Variants in GALNT13 observed in about 807,000 individuals in gnomAD.
GALNT13 encodes UDP-GalNAc:polypeptide N-acetylgalactosaminyltransferase 13.
Under a neutral mutation model 64.2 loss-of-function variants are expected in GALNT13, and 28 were observed. That is an observed-to-expected ratio of 0.44 (90% CI 0.32 to 0.60). The LOEUF (loss-of-function observed/expected upper bound fraction) is 0.60, where lower values mean the gene tolerates loss of function less well. Ranked by LOEUF, GALNT13 falls within the 20% of genes least tolerant of loss-of-function variation. The pLI is 0.05. For missense variants in GALNT13, 577 were observed against 669.8 expected (o/e 0.86, Z 1.53); for synonymous variants, 214 against 224.6 (o/e 0.95, Z 0.42).
chr2:154,094,145 G>A (rs944486562), intron 3 of GALNT13, among the ~76,000 whole-genome samples: 3 of 151,914 alleles, frequency 2.0e-5, no homozygotes, highest in African/African-American at 7.2e-5. Flanking sequence ...GATTTCTTAT[G>A]TTTAATACTC....
the GALNT13 span, among the ~76,000 whole-genome samples, chr2:153,561,682 C>A: frequency 7.5e-6 from 1 of 133,344 alleles, no homozygotes; most frequent in African/African-American, 3.1e-5. Context: ...GTGTATTAAT[C>A]ACCACTTAGG....
intron 9 of GALNT13, among the ~76,000 whole-genome samples, chr2:154,306,606 A>G (rs1388701626): frequency 1.2e-5 from 1 of 82,326 alleles, no homozygotes; most frequent in Non-Finnish European, 2.6e-5. Flanking sequence ...AAGGTTTTTA[A>G]GGATAATTTG....
At chr2:153,268,371 C>G in the GALNT13 span, among the ~76,000 whole-genome samples, 2 of 152,202 alleles carry the variant, frequency 1.3e-5, no homozygotes, top group African/African-American at 4.8e-5. Context: ...GACTCCATGT[C>G]TCACATCCAG....
the GALNT13 span, among the ~76,000 whole-genome samples, chr2:153,243,396 C>T: frequency 6.6e-6 from 1 of 151,608 alleles, no homozygotes; most frequent in African/African-American, 2.4e-5. Flanking sequence ...TTGCCCCTAG[C>T]TATGCTGAAA....
the GALNT13 span, among the ~76,000 whole-genome samples, chr2:153,264,433 C>T: frequency 6.6e-6 from 1 of 152,184 alleles, no homozygotes. Context: ...AATCCCATTA[C>T]TGGGTATATA....
chr2:153,625,155 A>C, the GALNT13 span, among the ~76,000 whole-genome samples: 1 of 152,078 alleles, frequency 6.6e-6, no homozygotes, highest in African/African-American at 2.4e-5. Flanking sequence ...CAAGGTAAAT[A>C]CTAAACATGA....
At chr2:153,075,575 T>C in the GALNT13 span, among the ~76,000 whole-genome samples, 1 of 152,236 alleles carries the variant, frequency 6.6e-6, no homozygotes, top group Admixed American at 6.5e-5. Flanking sequence ...TTCCTTTTTA[T>C]ATAGTTACAC....
At chr2:154,273,345 A>G (rs1046063512) in intron 8 of GALNT13, among the ~76,000 whole-genome samples, 33 of 152,026 alleles carry the variant, frequency 2.2e-4, no homozygotes, top group Non-Finnish European at 5.9e-5. Context: ...AAAAATGATA[A>G]ATGCAAAAGG....
the GALNT13 span, among the ~76,000 whole-genome samples, chr2:153,449,190 G>A: frequency 1.3e-5 from 2 of 152,254 alleles, no homozygotes; most frequent in South Asian, 4.1e-4. Flanking sequence ...TGGACTTCTA[G>A]CCCCTAGAAC....
chr2:153,805,335 C>T, the GALNT13 span, among the ~76,000 whole-genome samples: 164 of 151,976 alleles, frequency 1.1e-3, 1 homozygote, highest in East Asian at 8.7e-3. Flanking sequence ...TATTCCAAAA[C>T]GAAATTGAGT....
intron 11 of GALNT13, among the ~76,000 whole-genome samples, chr2:154,412,830 A>T (rs1188708388): frequency 6.6e-6 from 1 of 151,854 alleles, no homozygotes; most frequent in Admixed American, 6.6e-5. Flanking sequence ...AAGCCTTATA[A>T]ATAAAAACTG....
the GALNT13 span, among the ~76,000 whole-genome samples, chr2:153,830,480 G>A: frequency 2.7e-4 from 41 of 152,170 alleles, no homozygotes; most frequent in African/African-American, 9.4e-4. Context: ...AGCTGAGCAT[G>A]GGAATGCCTT....
At chr2:153,222,307 T>TGGGGGCGGGGGGCGGGG in the GALNT13 span, among the ~76,000 whole-genome samples, 6 of 6,326 alleles carry the variant, frequency 9.5e-4, no homozygotes, top group African/African-American at 4.3e-3. Flanking sequence ...TGAGTCTGGC[T>TGGGGGCGGGGGGCGGGG]GGGGGGGGGG....
At chr2:154,200,322 A>G (rs892681074) in intron 4 of GALNT13, among the ~76,000 whole-genome samples, 1 of 150,004 alleles carries the variant, frequency 6.7e-6, no homozygotes, top group Non-Finnish European at 1.5e-5. Flanking sequence ...TGGGGTGGTG[A>G]TTAAGGGGAA....
intron 9 of GALNT13, among the ~76,000 whole-genome samples, chr2:154,366,608 T>C (rs755610263): frequency 1.3e-5 from 2 of 152,228 alleles, no homozygotes; most frequent in Non-Finnish European, 2.9e-5. Context: ...ACATGTATTA[T>C]ACATGTCACG....
the GALNT13 span, among the ~76,000 whole-genome samples, chr2:153,846,407 T>C: frequency 6.6e-6 from 1 of 152,106 alleles, no homozygotes; most frequent in African/African-American, 2.4e-5. Context: ...AGGTATTCAC[T>C]AAGAAATATT....
the GALNT13 span, among the ~76,000 whole-genome samples, chr2:153,368,091 A>T: frequency 6.6e-6 from 1 of 152,178 alleles, no homozygotes; most frequent in African/African-American, 2.4e-5. Context: ...TAACAGATAT[A>T]TACATAGGTT....
chr2:153,627,595 C>T, the GALNT13 span, among the ~76,000 whole-genome samples: 1 of 151,986 alleles, frequency 6.6e-6, no homozygotes, highest in Non-Finnish European at 1.5e-5. Context: ...TAAATTGGTG[C>T]AAAAATAATT....
rs1689571140 is a variant in GALNT13 at position 154,242,848 on chromosome 2, A to T, written c.629A>T (p.His210Leu). 6.2e-7 allele frequency: 1 copy of T among 1,614,172 alleles called. No homozygotes were observed. The change falls in exon 6 of 13, where the codon CAC (histidine) becomes CTC (leucine). Residue 210 changes from histidine (H) to leucine (L), a missense_variant. His to Leu is a moderately conservative substitution (Grantham distance 99, BLOSUM62 -3). Coordinates refer to ENST00000392825, the MANE Select transcript of GALNT13 (RefSeq NM_052917.4). ...KGQVITFLDAHCECTLGWLEP... is the reference protein window; with the variant it reads ...KGQVITFLDALCECTLGWLEP... ...CAGGTCATAACTTTTCTTGATGCAC[A>T]CTGTGAATGCACGTTAGGATGGCTG...
Sources: allele counts gnomAD v4.1 joint callset (sites outside exome capture counted in the v4.1 genomes callset), GRCh38; gene constraint gnomAD v4.1.1; transcripts MANE v1.5; gene names NCBI Gene and HGNC (gene_info 2026-07-23, HGNC 2026-07-21).